NOL8: variants seen among roughly 807,000 people sequenced by gnomAD.
NOL8 encodes the protein nucleolar protein Nop132.
A neutral mutation model predicts 116.1 loss-of-function variants in NOL8; 93 were observed. That is an observed-to-expected ratio of 0.80 (90% CI 0.68 to 0.95). The LOEUF (loss-of-function observed/expected upper bound fraction) is 0.95. NOL8 is among the 40% of genes least tolerant of loss of function. NOL8 has a pLI of 0.00. For synonymous variants in NOL8, 419 were observed against 469.0 expected, an observed-to-expected ratio of 0.89 and a Z score of 1.38; for missense variants, 1,291 against 1,382.8, an observed-to-expected ratio of 0.93 and a Z score of 1.05.
At position 92,321,720 on chromosome 9, in the gene NOL8, ATT is replaced by A. The variant is rs1839945149; in HGVS notation, c.227_228del (p.Lys76MetfsTer29). ...TGAATTTGTAATGTTCCACCTTTCC[ATT>A]TTGTTTTATTTAAAACAGACATACC... ...KKCMSVLNKT[K>X]WKGGTLQIQL... On this transcript the variant is annotated frameshift_variant, in exon 4 of 17. Coordinates refer to ENST00000442668, the MANE Select transcript of NOL8 (RefSeq NM_017948.6). LOFTEE classifies it high-confidence loss of function. 1 of 1,516,472 alleles carries A rather than the reference ATT, an allele frequency of 6.6e-7. No individual in the cohort carries two copies. The highest frequency in any genetic ancestry group is 2.5e-5 in the East Asian group (1 of 40,132). The allele number at this position is 1,516,472 out of a possible 1,614,324, so 93.9% of individuals were successfully genotyped here.
intron 14 of NOL8, 147 bp from the exon 15 acceptor site, chr9:92,299,101 G>A (rs1837497575): frequency 2.1e-6 from 1 of 476,344 alleles, no homozygotes; most frequent in Non-Finnish European, 3.7e-6. Flanking sequence ...CCAGGTGAGC[G>A]AGACTCTTAA....
At chr9:92,300,759 A>G (rs1202451767) in intron 13 of NOL8, 6 of 1,196,854 alleles carry the variant, frequency 5.0e-6, no homozygotes, top group Non-Finnish European at 6.4e-6. Context: ...ATTATCTGCT[A>G]GTGAACCGAG....
intron 3 of NOL8, 110 bp downstream of exon 3, chr9:92,323,331 T>C (rs774289511): frequency 1.3e-6 from 2 of 1,543,662 alleles, no homozygotes; most frequent in Non-Finnish European, 1.7e-6. Context: ...CTGCTGTCCC[T>C]CTGGATAACG....
chr9:92,315,418 T>C lies in NOL8; in HGVS notation c.1207A>G (p.Met403Val). The change falls in exon 7 of 17, where the codon ATG (methionine) becomes GTG (valine). Residue 403 changes from methionine (M) to valine (V), a missense_variant. Transcript: ENST00000442668. ...KVKNSTEFSQ[M>V]EKSTKKTSFK... ...GAAGTTTTCTTCGTAGATTTTTCCATTTGTGAAAATTCTGTACTGTTTTTG... is the reference window on the plus strand; with the variant it reads ...GAAGTTTTCTTCGTAGATTTTTCCACTTGTGAAAATTCTGTACTGTTTTTG... The C allele has an allele frequency of 6.3e-7, 1 of 1,589,118 alleles. No individual in the cohort carries two copies. Among genetic ancestry groups the C allele is most frequent in the East Asian group, 2.2e-5 (1 of 44,534 alleles).
Position 92,315,872 on chromosome 9 carries a change from T to TTGC in NOL8, c.750_752dup (p.Gln252dup). 1 of 1,613,940 alleles carries TTGC rather than the reference T, an allele frequency of 6.2e-7. No individual in the cohort carries two copies. The highest frequency in any genetic ancestry group is 2.2e-5 in the East Asian group (1 of 44,884). ...CACAAGTTCTTTTTTGTGCAGCCTG[T>TTGC]TGCTGTGTTAAGGGTGGTCTCTCTA... On this transcript the variant is annotated inframe_insertion, in exon 7 of 17. Coordinates refer to ENST00000442668, the MANE Select transcript of NOL8 (RefSeq NM_017948.6).
At chr9:92,316,785 G>A (rs1250266692) in intron 6 of NOL8, among the ~76,000 whole-genome samples, 3 of 151,938 alleles carry the variant, frequency 2.0e-5, no homozygotes, top group Non-Finnish European at 2.9e-5. Context: ...GTGAGAACCT[G>A]TCTTAAAAAT....
chr9:92,305,082 GA>G (rs1838108560), intron 12 of NOL8, among the ~76,000 whole-genome samples: 1 of 151,878 alleles, frequency 6.6e-6, no homozygotes, highest in Admixed American at 6.6e-5. Context: ...CCTAATTCCT[GA>G]AACCTGTGAA....
intron 14 of NOL8, among the ~76,000 whole-genome samples, chr9:92,299,166 C>CT (rs1837504164): frequency 6.6e-6 from 1 of 152,216 alleles, no homozygotes; most frequent in Admixed American, 6.5e-5. Context: ...AACCCTCCCT[C>CT]TAACATTCTT....
intron 4 of NOL8, chr9:92,319,834 T>C: frequency 2.8e-6 from 1 of 351,616 alleles, no homozygotes; most frequent in Non-Finnish European, 5.6e-6. Flanking sequence ...TGGACAGCAG[T>C]GACAAGCTGT....
At chr9:92,313,740 C>G (rs562346023) in intron 7 of NOL8, among the ~76,000 whole-genome samples, 1 of 152,318 alleles carries the variant, frequency 6.6e-6, no homozygotes, top group South Asian at 2.1e-4. Flanking sequence ...TTTCCTACCA[C>G]TCAGCTCAGA....
rs369924971 is a variant in NOL8, at chr9:92,314,343, C to T, written c.2282G>A (p.Arg761His). Residue 761 changes from arginine (R) to histidine (H), a missense_variant, in exon 7 of 17, where the codon CGT becomes CAT. Transcript: ENST00000442668. Reference sequence around the variant, plus strand: ...TTGCCTCGCTTCCAAGGCTGCCAAACGCTTCTCATTGTCTTCAGCATGCTT... The same window carrying T: ...TTGCCTCGCTTCCAAGGCTGCCAAATGCTTCTCATTGTCTTCAGCATGCTT... ...KDKHAEDNEK[R>H]LAALEARQKA... The T allele has an allele frequency of 2.0e-5, 32 of 1,610,676 alleles. No homozygotes were observed. The highest frequency in any genetic ancestry group is 2.5e-5 in the Non-Finnish European group (30 of 1,177,406).
At chr9:92,312,764 T>G (rs1838939646) in intron 7 of NOL8, among the ~76,000 whole-genome samples, 1 of 142,856 alleles carries the variant, frequency 7.0e-6, no homozygotes, top group African/African-American at 2.6e-5. Context: ...GAGGCGGAGA[T>G]TGCAGTGAGC....
In NOL8 at chr9:92,315,314, GGCTGACTCTACATT is replaced by G; in HGVS notation, c.1297_1310del (p.Asn433ProfsTer9). Reference sequence around the variant, plus strand: ...TAAGAGACTTTAATCCATGACTGAGGGCTGACTCTACATTGCTTTTTCTTTTTTGTAGTTTAATA... The same window carrying G: ...TAAGAGACTTTAATCCATGACTGAGGGCTTTTTCTTTTTTGTAGTTTAATA... On this transcript the variant is annotated frameshift_variant, in exon 7 of 17. Coordinates refer to ENST00000442668, the MANE Select transcript of NOL8 (RefSeq NM_017948.6). LOFTEE classifies it high-confidence loss of function. The G allele has an allele frequency of 6.2e-7, 1 of 1,613,876 alleles. No individual in the cohort carries two copies. Among genetic ancestry groups the G allele is most frequent in the Non-Finnish European group, 8.5e-7 (1 of 1,179,830 alleles).
intron 2 of NOL8, 112 bp from the exon 3 acceptor site, chr9:92,323,615 A>C: frequency 4.8e-6 from 4 of 836,892 alleles, no homozygotes; most frequent in Non-Finnish European, 5.3e-6. Flanking sequence ...TTGAAAACTT[A>C]TTATTTCAAA....
intron 12 of NOL8, among the ~76,000 whole-genome samples, chr9:92,304,992 T>C (rs1838098686): frequency 6.6e-6 from 1 of 152,004 alleles, no homozygotes; most frequent in African/African-American, 2.4e-5. Flanking sequence ...TTTATCCAAC[T>C]GACTGCACAT....
At chr9:92,301,418 A>G (rs1837732101) in intron 13 of NOL8, 133 bp downstream of exon 13, 2 of 696,154 alleles carry the variant, frequency 2.9e-6, no homozygotes, top group East Asian at 6.3e-5. Flanking sequence ...CTGTGACACT[A>G]AATCTCAAAT....
chr9:92,321,930 C>G (rs1431189387), intron 3 of NOL8, among the ~76,000 whole-genome samples, 184 bp from the exon 4 acceptor site: 1 of 152,136 alleles, frequency 6.6e-6, no homozygotes, highest in Non-Finnish European at 1.5e-5. Flanking sequence ...ATCTTGACAA[C>G]TTACCAAAAG....
chr9:92,309,939 C>T (rs1838615668), intron 10 of NOL8, among the ~76,000 whole-genome samples: 1 of 152,098 alleles, frequency 6.6e-6, no homozygotes, highest in South Asian at 2.1e-4. Context: ...AAAATGGTAC[C>T]TTTGGTGGAT....
At chr9:92,323,149 C>A in intron 3 of NOL8, 2 of 447,826 alleles carry the variant, frequency 4.5e-6, no homozygotes, top group Admixed American at 3.8e-5. Flanking sequence ...GCATGATATT[C>A]AGTGGGATAT....
Sources: allele counts gnomAD v4.1 joint callset (sites outside exome capture counted in the v4.1 genomes callset), GRCh38; gene constraint gnomAD v4.1.1; transcripts MANE v1.5; gene names NCBI Gene and HGNC (gene_info 2026-07-23, HGNC 2026-07-21).